The following GALNT17 variants were observed in gnomAD, a reference collection of about 807,000 sequenced individuals.
GALNT17 encodes the protein UDP-GalNAc:polypeptide N-acetylgalactosaminyltransferase-like 3.
Under a neutral mutation model 63.7 loss-of-function variants are expected in GALNT17, and 29 were observed. The observed-to-expected ratio is 0.46, with a 90% CI of 0.34 to 0.62. GALNT17 has a LOEUF of 0.62. Among genes scored for constraint, GALNT17 ranks in the 20% least tolerant of loss-of-function variants. GALNT17 has a pLI of 0.01. For missense variants in GALNT17, 603 were observed against 799.6 expected, an observed-to-expected ratio of 0.75 and a Z score of 2.97; for synonymous variants, 305 against 318.3, an observed-to-expected ratio of 0.96 and a Z score of 0.45.
At chr7:71,633,019 G>A (rs904187374) in intron 6 of GALNT17, among the ~76,000 whole-genome samples, 4 of 148,174 alleles carry the variant, frequency 2.7e-5, no homozygotes, top group South Asian at 2.1e-4. Context: ...CATGAGAATC[G>A]CTTGAACCCG....
At chr7:71,383,841 T>C (rs527700512) in intron 2 of GALNT17, among the ~76,000 whole-genome samples, 2 of 152,224 alleles carry the variant, frequency 1.3e-5, no homozygotes, top group African/African-American at 2.4e-5. Context: ...TACTACATTT[T>C]CTTGATTCAT....
At chr7:71,305,648 C>T (rs1791277177) in intron 1 of GALNT17, among the ~76,000 whole-genome samples, 1 of 152,144 alleles carries the variant, frequency 6.6e-6, no homozygotes, top group Admixed American at 6.6e-5. Flanking sequence ...GAGGGCCCCT[C>T]CAGGAAGTTG....
intron 1 of GALNT17, among the ~76,000 whole-genome samples, chr7:71,173,213 A>C (rs1214285398): frequency 6.6e-6 from 1 of 152,124 alleles, no homozygotes. Context: ...GCGGAAGTGC[A>C]CTGGGGACCC....
chr7:71,602,896 G>A (rs569912476), intron 6 of GALNT17, among the ~76,000 whole-genome samples: 6 of 151,706 alleles, frequency 4.0e-5, no homozygotes, highest in South Asian at 2.1e-4. Flanking sequence ...GTACTGTGCC[G>A]AGTCCACACA....
At chr7:71,242,300 C>A (rs1790012786) in intron 1 of GALNT17, among the ~76,000 whole-genome samples, 1 of 125,384 alleles carries the variant, frequency 8.0e-6, no homozygotes. Flanking sequence ...GACAGAGTCT[C>A]ACTCTGTCGC....
In GALNT17 at chr7:71,316,228, TCTGATCAGGATCCTGATCTGTGGG is replaced by T. The variant is rs1367472058; in HGVS notation, c.239-19321_239-19298del. Reference sequence around the variant, plus strand: ...TCTGATCAGGATCCTGATCTGTGGGTCTGATCAGGATCCTGATCTGTGGGTCTGATCAGGATCCTGATCTGTGGA... The same window carrying T: ...TCTGATCAGGATCCTGATCTGTGGGTTCTGATCAGGATCCTGATCTGTGGA... On this transcript the variant is annotated intron_variant, in intron 1 of 10. Transcript: ENST00000333538. Among the ~76,000 whole-genome samples, 1,243 of 138,862 alleles carry T rather than the reference TCTGATCAGGATCCTGATCTGTGGG, an allele frequency of 9.0e-3. 21 individuals are homozygous for T. Among genetic ancestry groups the T allele is most frequent in the African/African-American group, 0.036 (1,174 of 32,918 alleles). 91.1% of individuals were successfully genotyped at this position (138,862 alleles called of 152,430 possible).
chr7:71,417,446 C>T (rs1414778979), intron 4 of GALNT17, among the ~76,000 whole-genome samples: 2 of 152,136 alleles, frequency 1.3e-5, no homozygotes, highest in Non-Finnish European at 1.5e-5. Flanking sequence ...GTCTTCAGCC[C>T]TCATCTCTCT....
At chr7:71,379,178 G>A (rs2116311428) in intron 2 of GALNT17, among the ~76,000 whole-genome samples, 1 of 152,260 alleles carries the variant, frequency 6.6e-6, no homozygotes, top group South Asian at 2.1e-4. Context: ...CAGAGGAAGT[G>A]CCTAGCAGGA....
rs1250475927 is a variant in GALNT17, at chr7:71,544,160, C to T, written c.963-27125C>T. Among the ~76,000 whole-genome samples, 11 of 143,076 alleles carry T rather than the reference C, an allele frequency of 7.7e-5. No individual in the cohort carries two copies. In the East Asian group the frequency reaches 1.7e-3, roughly 22 times the overall value. The allele number at this position is 143,076 out of a possible 152,430, so 93.9% of individuals were successfully genotyped here. On this transcript the variant is annotated intron_variant, in intron 5 of 10. Coordinates refer to ENST00000333538, the MANE Select transcript of GALNT17 (RefSeq NM_022479.3). ...TTTTTTTTTTTTTGAGATGGAGTCT[C>T]GCTCTGTTGCCCAGGCTCTGGAGTG...
At chr7:71,600,740 G>T (rs1321400854) in intron 6 of GALNT17, among the ~76,000 whole-genome samples, 5 of 129,750 alleles carry the variant, frequency 3.9e-5, no homozygotes, top group African/African-American at 1.5e-4. Flanking sequence ...TTGGTTTTTT[G>T]TTTGTTTGTT....
At position 71,448,021 on chromosome 7, in the gene GALNT17, G is replaced by C. The variant is rs979031504; in HGVS notation, c.962+26916G>C. ...TTTAGCTTATTCTCTCATTTTATTGGTGCATATCTTCAAATAACTATTTTT... is the reference window on the plus strand; with the variant it reads ...TTTAGCTTATTCTCTCATTTTATTGCTGCATATCTTCAAATAACTATTTTT... On this transcript the variant is annotated intron_variant, in intron 5 of 10. Transcript: ENST00000333538. 2.0e-5 allele frequency among the ~76,000 whole-genome samples: 3 copies of C among 151,966 alleles called. No individual in the cohort carries two copies. The East Asian group carries it at 5.8e-4, about 29-fold the overall frequency.
intron 2 of GALNT17, among the ~76,000 whole-genome samples, chr7:71,386,338 C>A (rs1792944015): frequency 6.6e-6 from 1 of 152,214 alleles, no homozygotes; most frequent in Admixed American, 6.5e-5. Flanking sequence ...GCTTCTCTCT[C>A]ACTCCATGGC....
chr7:71,464,572 A>T (rs1787505119), intron 5 of GALNT17, among the ~76,000 whole-genome samples: 1 of 152,124 alleles, frequency 6.6e-6, no homozygotes, highest in South Asian at 2.1e-4. Context: ...CCCTCAGCAC[A>T]ACCTTTAGAC....
At chr7:71,655,820 G>A (rs1310132806) in intron 6 of GALNT17, among the ~76,000 whole-genome samples, 1 of 152,176 alleles carries the variant, frequency 6.6e-6, no homozygotes, top group Non-Finnish European at 1.5e-5. Flanking sequence ...ATTCTTAGAA[G>A]CATCAGGGTG....
chr7:71,472,882 AAG>A (rs374695139), intron 5 of GALNT17, among the ~76,000 whole-genome samples: 6 of 152,280 alleles, frequency 3.9e-5, no homozygotes, highest in African/African-American at 1.4e-4. Context: ...GAAGTCTTGA[AAG>A]AGGTTTCTTC....
intron 1 of GALNT17, among the ~76,000 whole-genome samples, chr7:71,221,312 T>G (rs1305976057): frequency 6.6e-6 from 1 of 152,158 alleles, no homozygotes. Context: ...TACCACATTT[T>G]CTTTATCCAA....
chr7:71,585,870 C>T (rs1302564897), intron 6 of GALNT17, among the ~76,000 whole-genome samples: 5 of 151,838 alleles, frequency 3.3e-5, no homozygotes, highest in Non-Finnish European at 7.4e-5. Context: ...TTCTTTCCTC[C>T]TCCCCACCCC....
At chr7:71,249,537 C>G (rs562273308) in intron 1 of GALNT17, among the ~76,000 whole-genome samples, 1 of 152,234 alleles carries the variant, frequency 6.6e-6, no homozygotes, top group South Asian at 2.1e-4. Flanking sequence ...AATTTATTTT[C>G]CAATATGGTT....
intron 5 of GALNT17, among the ~76,000 whole-genome samples, chr7:71,547,172 T>C (rs559726505): frequency 6.6e-6 from 1 of 151,134 alleles, no homozygotes; most frequent in African/African-American, 2.4e-5. Context: ...ATTATTATTA[T>C]TATTATTTTT....
Sources: gnomAD v4.1 joint callset for allele counts (sites outside exome capture counted in the v4.1 genomes callset) on GRCh38, gnomAD v4.1.1 for gene constraint, MANE v1.5 for transcripts, NCBI Gene and HGNC (gene_info 2026-07-23, HGNC 2026-07-21) for gene names.